Variants in SOX5 observed in about 807,000 individuals in gnomAD.
SOX5 encodes transcription factor SOX-5.
In SOX5, 9 loss-of-function variants were observed where a neutral mutation model predicts 92.0. That is an observed-to-expected ratio of 0.10 (90% confidence interval 0.06 to 0.17). The LOEUF is 0.17. Among genes scored for constraint, SOX5 ranks in the 10% least tolerant of loss-of-function variants. The pLI, the probability that SOX5 is intolerant of heterozygous loss-of-function variation, is 1.00. For missense variants in SOX5, 642 were observed against 944.5 expected, an observed-to-expected ratio of 0.68 and a Z score of 4.20; for synonymous variants, 344 against 336.3, an observed-to-expected ratio of 1.02 and a Z score of -0.25.
chr12:23,613,583 C>T (rs2076217372), intron 8 of SOX5, among the ~76,000 whole-genome samples: 1 of 152,126 alleles, frequency 6.6e-6, no homozygotes, highest in African/African-American at 2.4e-5. Flanking sequence ...CAGAATTATT[C>T]ACAACAGCCC....
At chr12:23,625,635 A>T (rs1810355554) in intron 8 of SOX5, among the ~76,000 whole-genome samples, 1 of 152,154 alleles carries the variant, frequency 6.6e-6, no homozygotes, top group Admixed American at 6.5e-5. Context: ...TTTGAGACTA[A>T]GTCTCGCTCC....
intron 1 of SOX5, among the ~76,000 whole-genome samples, chr12:24,401,559 A>C (rs1398211164): frequency 2.0e-5 from 3 of 151,674 alleles, no homozygotes; most frequent in Non-Finnish European, 2.9e-5. Flanking sequence ...AACATTAAAA[A>C]ATTAACCTTG....
chr12:24,032,775 T>C (rs1275380939), intron 4 of SOX5, among the ~76,000 whole-genome samples: 1 of 151,910 alleles, frequency 6.6e-6, no homozygotes, highest in Non-Finnish European at 1.5e-5. Context: ...AAATTAAATG[T>C]AGGGGCATCT....
At chr12:23,798,743 G>A (rs2095609493) in intron 3 of SOX5, among the ~76,000 whole-genome samples, 1 of 151,366 alleles carries the variant, frequency 6.6e-6, no homozygotes, top group Non-Finnish European at 1.5e-5. Flanking sequence ...ACATAAAACT[G>A]TATTTTAAAA....
At chr12:23,603,447 T>A (rs199852557) in intron 9 of SOX5, among the ~76,000 whole-genome samples, 7 of 70,694 alleles carry the variant, frequency 9.9e-5, no homozygotes, top group South Asian at 3.5e-4. Flanking sequence ...ATATATAAAA[T>A]ATATATATAT....
chr12:23,740,693 G>T (rs1194122576), intron 5 of SOX5, among the ~76,000 whole-genome samples, 174 bp downstream of exon 5: 1 of 152,038 alleles, frequency 6.6e-6, no homozygotes, highest in Non-Finnish European at 1.5e-5. Flanking sequence ...TTAAAATCCG[G>T]GTTTTGTCTG....
chr12:23,681,540 T>A (rs749908002), intron 6 of SOX5, among the ~76,000 whole-genome samples: 4 of 151,576 alleles, frequency 2.6e-5, no homozygotes, highest in Admixed American at 2.6e-4. Flanking sequence ...TTGAAAAAGA[T>A]GAAAAAACAT....
At chr12:24,504,236 G>A (rs1948505034) in intron 1 of SOX5, among the ~76,000 whole-genome samples, 1 of 152,082 alleles carries the variant, frequency 6.6e-6, no homozygotes. Flanking sequence ...GAATTTATCA[G>A]ACTATAGGCT....
chr12:24,320,372 C>G (rs1200121617), intron 2 of SOX5, among the ~76,000 whole-genome samples: 1 of 152,182 alleles, frequency 6.6e-6, no homozygotes, highest in Non-Finnish European at 1.5e-5. Context: ...ATAACTTCAT[C>G]TCACTATTCA....
intron 2 of SOX5, among the ~76,000 whole-genome samples, chr12:24,328,756 TATTATC>T (rs1446277823): frequency 6.6e-6 from 1 of 152,226 alleles, no homozygotes; most frequent in Non-Finnish European, 1.5e-5. Flanking sequence ...CTACCTTTAT[TATTATC>T]ATCATTACTT....
rs1015587716 is a variant in SOX5 at position 24,355,455 on chromosome 12, G to A, written c.-174+13108C>T. 2.0e-5 allele frequency among the ~76,000 whole-genome samples: 3 copies of A among 151,892 alleles called. No individual in the cohort carries two copies. The South Asian group carries it at 6.2e-4, about 32-fold the overall frequency. On this transcript the variant is annotated intron_variant, in intron 2 of 4. Transcript: ENST00000446891. ...GTGAGGGGTGCATCTTCTACAAACAGATGCTGGGCCCCCTCCCTGGAGATA... is the reference window on the plus strand; with the variant it reads ...GTGAGGGGTGCATCTTCTACAAACAAATGCTGGGCCCCCTCCCTGGAGATA...
At chr12:24,559,250 T>A (rs1954106080) in intron 1 of SOX5, among the ~76,000 whole-genome samples, 1 of 152,208 alleles carries the variant, frequency 6.6e-6, no homozygotes, top group Admixed American at 6.5e-5. Context: ...GACAAATAAG[T>A]TTCCAGGTTA....
At chr12:24,338,768 C>A (rs916469806) in intron 2 of SOX5, among the ~76,000 whole-genome samples, 3 of 152,118 alleles carry the variant, frequency 2.0e-5, no homozygotes, top group Non-Finnish European at 4.4e-5. Context: ...TTATAAAGGG[C>A]AGTTCCCCTG....
chr12:23,593,421 C>T (rs925362285), intron 9 of SOX5, among the ~76,000 whole-genome samples: 1 of 152,078 alleles, frequency 6.6e-6, no homozygotes, highest in Admixed American at 6.6e-5. Flanking sequence ...GATGGAGAAC[C>T]TCATTTTCTT....
intron 1 of SOX5, among the ~76,000 whole-genome samples, chr12:24,497,446 AGAGGGT>A (rs1195739471): frequency 1.3e-5 from 2 of 152,206 alleles, no homozygotes; most frequent in Admixed American, 1.3e-4. Flanking sequence ...AGCGAGGTGT[AGAGGGT>A]CTTCATCCTA....
chr12:24,289,367 CT>C (rs1946328331), intron 2 of SOX5, among the ~76,000 whole-genome samples: 1 of 151,944 alleles, frequency 6.6e-6, no homozygotes, highest in Admixed American at 6.5e-5. Flanking sequence ...ACAGACCATT[CT>C]TTCTGAATCT....
chr12:23,788,005 T>C (rs1185548986), intron 3 of SOX5, among the ~76,000 whole-genome samples: 1 of 151,590 alleles, frequency 6.6e-6, no homozygotes, highest in Non-Finnish European at 1.5e-5. Flanking sequence ...ATCTATTTAT[T>C]TGATATTGGA....
At chr12:24,127,838 G>A (rs947008259) in intron 4 of SOX5, among the ~76,000 whole-genome samples, 9 of 152,266 alleles carry the variant, frequency 5.9e-5, no homozygotes, top group African/African-American at 1.2e-4. Context: ...AGGCAACACC[G>A]TCTCATTTGG....
At chr12:23,942,867 T>C (rs1169334255) in intron 1 of SOX5, among the ~76,000 whole-genome samples, 1 of 152,004 alleles carries the variant, frequency 6.6e-6, no homozygotes, top group Non-Finnish European at 1.5e-5. Context: ...TTAAGAAAGA[T>C]CATATCTTCT....
Sources: gnomAD v4.1 joint callset for allele counts (sites outside exome capture counted in the v4.1 genomes callset) on GRCh38, gnomAD v4.1.1 for gene constraint, MANE v1.5 for transcripts, NCBI Gene and HGNC (gene_info 2026-07-23, HGNC 2026-07-21) for gene names.